BUD13: variants seen among roughly 807,000 people sequenced by gnomAD.
The protein encoded by BUD13 is BUD13 homolog.
A neutral mutation model predicts 62.5 loss-of-function variants in BUD13; 47 were observed. That is an observed-to-expected ratio of 0.75 (90% CI 0.60 to 0.96). BUD13 has a LOEUF of 0.96. BUD13 is among the 40% of genes least tolerant of loss of function. The pLI is 0.00. For synonymous variants in BUD13, 293 were observed against 280.1 expected, an observed-to-expected ratio of 1.05 and a Z score of -0.46; for missense variants, 821 against 790.9, an observed-to-expected ratio of 1.04 and a Z score of -0.46.
chr11:116,770,188 C>G lies in BUD13; in HGVS notation c.178G>C (p.Ala60Pro). 6.2e-7 allele frequency: 1 copy of G among 1,613,604 alleles called. No homozygotes were observed. Among genetic ancestry groups the G allele is most frequent in the South Asian group, 1.1e-5 (1 of 90,984 alleles). Residue 60 changes from alanine to proline, a missense_variant, in exon 2 of 10, where the codon GCT becomes CCT. Transcript: ENST00000260210. ...RIVDDDVSWT[A>P]ISTTKLEKEE... is the part of the protein sequence containing the mutation. ...TTTTCTAGTTTGGTTGTGGAGATAG[C>G]TGTCCAGCTCACATCATCATCCACA...
chr11:116,768,251 C>T (rs1940566011), intron 2 of BUD13, among the ~76,000 whole-genome samples: 1 of 151,964 alleles, frequency 6.6e-6, no homozygotes, highest in Non-Finnish European at 1.5e-5. Flanking sequence ...TATCCAGTAA[C>T]AGAACAGATA....
At chr11:116,754,131 G>A (rs1378197504) in intron 9 of BUD13, among the ~76,000 whole-genome samples, 1 of 152,066 alleles carries the variant, frequency 6.6e-6, no homozygotes, top group African/African-American at 2.4e-5. Flanking sequence ...TTGCAGCCTC[G>A]ACCTCCCTGG....
intron 1 of BUD13, among the ~76,000 whole-genome samples, chr11:116,771,722 G>A (rs1940631398): frequency 6.6e-6 from 1 of 152,192 alleles, no homozygotes; most frequent in African/African-American, 2.4e-5. Context: ...GCAGAAAGAC[G>A]AAGACAATAA....
In BUD13 at chr11:116,762,829, T is replaced by A; in HGVS notation, c.760A>T (p.Arg254Trp). ...TGTGTGTCTGAAGAGCCAAGAGTCC[T>A]CCTAGATGTGTCAGGGGAGTTGTTA... is the stretch of plus-strand genomic sequence containing the variant. ...VHNNSPDTSR[R>W]TLGSSDTQQL... Residue 254 changes from arginine to tryptophan, a missense_variant, in exon 4 of 10, where the codon AGG becomes TGG. Physicochemically the swap from Arg to Trp is moderately radical, Grantham distance 101. Transcript: ENST00000260210. 2 of 1,613,964 alleles carry A rather than the reference T, an allele frequency of 1.2e-6. No homozygotes were observed. Among genetic ancestry groups the A allele is most frequent in the Middle Eastern group, 3.3e-4 (2 of 6,062 alleles).
chr11:116,769,182 C>G (rs1279212742), intron 2 of BUD13, among the ~76,000 whole-genome samples: 1 of 152,084 alleles, frequency 6.6e-6, no homozygotes, highest in East Asian at 1.9e-4. Flanking sequence ...GGTCATTTGC[C>G]TATGATTTTG....
rs1940417236 is a variant in BUD13 at position 116,760,848 on chromosome 11, G to T, written c.1141C>A (p.Pro381Thr). 1 of 1,614,004 alleles carries T rather than the reference G, an allele frequency of 6.2e-7. No homozygotes were observed. The highest frequency in any genetic ancestry group is 8.5e-7 in the Non-Finnish European group (1 of 1,180,022). ...TCAGAATCAGAGCTCCGGTGTCTAG[G>T]TCTATTCCGTGGAGGTGACAGATCT... is the stretch of plus-strand genomic sequence containing the variant. ...DSDLSPPRNRPRHRSSDSDLS... is the reference protein window; with the variant it reads ...DSDLSPPRNRTRHRSSDSDLS... The change falls in exon 5 of 10, where the codon CCT becomes ACT. Residue 381 changes from proline (P) to threonine (T), a missense_variant. Transcript: ENST00000260210.
intron 2 of BUD13, among the ~76,000 whole-genome samples, chr11:116,766,286 G>A (rs75542782): frequency 0.048 from 7,367 of 152,202 alleles, 253 homozygotes; most frequent in Admixed American, 0.1. Flanking sequence ...AATCTAACTC[G>A]ATTCTCACAA....
At chr11:116,766,946 G>A (rs1940540351) in intron 2 of BUD13, among the ~76,000 whole-genome samples, 1 of 152,208 alleles carries the variant, frequency 6.6e-6, no homozygotes, top group African/African-American at 2.4e-5. Flanking sequence ...CTAGCACTTT[G>A]GGAGGCTGAG....
At chr11:116,770,333 C>CTGT (rs1291285703) in intron 1 of BUD13, 111 bp from the exon 2 acceptor site, 15 of 830,772 alleles carry the variant, frequency 1.8e-5, no homozygotes, top group Non-Finnish European at 2.7e-5. Context: ...CTGCATGGTC[C>CTGT]AGTCTTTGTC....
chr11:116,765,940 T>C (rs1345977748), intron 2 of BUD13, among the ~76,000 whole-genome samples: 1 of 152,230 alleles, frequency 6.6e-6, no homozygotes, highest in Admixed American at 6.5e-5. Context: ...GAATCATTAA[T>C]CTTTAAGAGC....
At chr11:116,748,831 C>A (rs1181003188) in intron 9 of BUD13, among the ~76,000 whole-genome samples, 3 of 151,994 alleles carry the variant, frequency 2.0e-5, no homozygotes, top group African/African-American at 7.2e-5. Context: ...ACTAACAATA[C>A]AAAAATTAGC....
In BUD13 at chr11:116,757,828, T is replaced by C. The variant is rs775187634; in HGVS notation, c.1622A>G (p.Glu541Gly). 85 of 1,614,062 alleles carry C rather than the reference T, an allele frequency of 5.3e-5. No homozygotes were observed. The highest frequency in any genetic ancestry group is 6.6e-5 in the Non-Finnish European group (78 of 1,180,040). The change falls in exon 8 of 10, where the codon GAG becomes GGG. Residue 541 changes from glutamate (E) to glycine (G), a missense_variant. Coordinates refer to ENST00000260210, the MANE Select transcript of BUD13 (RefSeq NM_032725.4). Reference protein sequence around the residue: ...LDRMLREQEREGDPMANFIKK... With the variant: ...LDRMLREQERGGDPMANFIKK... ...GATGAAGTTGGCCATAGGGTCCCCC[T>C]CTCTTTCCTGTTCTCTTAGCATCCT...
intron 2 of BUD13, among the ~76,000 whole-genome samples, chr11:116,766,929 TG>T (rs1940540042): frequency 6.6e-6 from 1 of 152,200 alleles, no homozygotes; most frequent in African/African-American, 2.4e-5. Flanking sequence ...GGCTCATTCC[TG>T]TAATCCTAGC....
chr11:116,772,871 G>T lies in BUD13; in HGVS notation c.94C>A (p.Arg32Ser). 6.3e-7 allele frequency: 1 copy of T among 1,591,400 alleles called. No individual in the cohort carries two copies. ...TTCGGCCGCTTTTTGCGACGCTTGC[G>T]ACCGGACTCAGATCCCCGGTCGACG... ...AGVDRGSESGRKRRKKRPKPG... is the reference protein window; with the variant it reads ...AGVDRGSESGSKRRKKRPKPG... Residue 32 changes from arginine to serine, a missense_variant, in exon 1 of 10, where the codon CGC becomes AGC. Physicochemically the swap from Arg to Ser is moderately radical, Grantham distance 110 (BLOSUM62 -1). Coordinates refer to ENST00000260210, the MANE Select transcript of BUD13 (RefSeq NM_032725.4).
chr11:116,761,533 C>T (rs1940432090), intron 4 of BUD13, among the ~76,000 whole-genome samples: 1 of 152,080 alleles, frequency 6.6e-6, no homozygotes. Context: ...GCATTCTATT[C>T]CCAAGTGACC....
At chr11:116,770,320 A>G in intron 1 of BUD13, 98 bp from the exon 2 acceptor site, 1 of 983,762 alleles carries the variant, frequency 1.0e-6, no homozygotes, top group Non-Finnish European at 1.5e-6. Flanking sequence ...ATCCTACAGG[A>G]TCCTGCATGG....
At chr11:116,770,248 AG>A in intron 1 of BUD13, 26 bp from the exon 2 acceptor site, 1 of 1,579,466 alleles carries the variant, frequency 6.3e-7, no homozygotes. Context: ...AAGATCAAAA[AG>A]AGTCATTCTA....
chr11:116,772,373 C>T (rs1940645125), intron 1 of BUD13, among the ~76,000 whole-genome samples: 1 of 152,158 alleles, frequency 6.6e-6, no homozygotes, highest in South Asian at 2.1e-4. Flanking sequence ...TAGCTTCTCA[C>T]GTTAGGACTA....
intron 2 of BUD13, 85 bp downstream of exon 2, chr11:116,770,044 G>A (rs530694972): frequency 2.1e-5 from 22 of 1,045,668 alleles, no homozygotes; most frequent in Admixed American, 5.1e-5. Context: ...GTGACAGAGC[G>A]AGACTCCGTC....
Sources: allele counts gnomAD v4.1 joint callset (sites outside exome capture counted in the v4.1 genomes callset), GRCh38; gene constraint gnomAD v4.1.1; transcripts MANE v1.5; gene names NCBI Gene and HGNC (gene_info 2026-07-23, HGNC 2026-07-21).